The following PDE1C variants were observed in gnomAD, a reference collection of about 807,000 sequenced individuals.
The protein encoded by PDE1C is dual specificity calcium/calmodulin-dependent 3',5'-cyclic nucleotide phosphodiesterase 1C.
A neutral mutation model predicts 93.1 loss-of-function variants in PDE1C; 62 were observed. The observed-to-expected ratio is 0.67, with a 90% CI of 0.54 to 0.82. The LOEUF (loss-of-function observed/expected upper bound fraction) is 0.82, where lower values mean the gene tolerates loss of function less well. PDE1C is among the 40% of genes least tolerant of loss of function. The probability of loss-of-function intolerance (pLI) is 0.00; values close to 1 mark genes in which losing one functional copy is unlikely to be tolerated. For synonymous variants in PDE1C, 325 were observed against 310.1 expected, an observed-to-expected ratio of 1.05 and a Z score of -0.50; for missense variants, 742 against 884.6, an observed-to-expected ratio of 0.84 and a Z score of 2.04.
At chr7:32,325,101 G>T (rs576979829) in intron 1 of PDE1C, among the ~76,000 whole-genome samples, 2 of 152,174 alleles carry the variant, frequency 1.3e-5, no homozygotes, top group Non-Finnish European at 2.9e-5. Flanking sequence ...CAAATAATAC[G>T]TTCATCAAAG....
intron 15 of PDE1C, among the ~76,000 whole-genome samples, chr7:31,812,773 A>G (rs1787712297): frequency 6.6e-6 from 1 of 152,144 alleles, no homozygotes; most frequent in African/African-American, 2.4e-5. Context: ...GAATAAGTAT[A>G]TTGTAAGCCT....
intron 1 of PDE1C, among the ~76,000 whole-genome samples, chr7:32,363,640 A>C (rs1784179365): frequency 6.6e-6 from 1 of 152,248 alleles, no homozygotes; most frequent in Non-Finnish European, 1.5e-5. Flanking sequence ...ATGATGCATA[A>C]ATGGCATATC....
chr7:32,030,427 T>C (rs1311895536), intron 2 of PDE1C, among the ~76,000 whole-genome samples: 1 of 152,120 alleles, frequency 6.6e-6, no homozygotes, highest in Non-Finnish European at 1.5e-5. Flanking sequence ...CGTGGATATA[T>C]CCTTGAATAC....
chr7:31,634,477 A>G, the PDE1C span, among the ~76,000 whole-genome samples: 1 of 152,286 alleles, frequency 6.6e-6, no homozygotes, highest in East Asian at 1.9e-4. Flanking sequence ...TTTCCCTATG[A>G]GGGGACAGAC....
intron 2 of PDE1C, among the ~76,000 whole-genome samples, chr7:31,897,662 T>C (rs1799473882): frequency 6.6e-6 from 1 of 152,202 alleles, no homozygotes; most frequent in African/African-American, 2.4e-5. Flanking sequence ...CTGGACACTC[T>C]CTGAGGACCA....
chr7:32,370,648 G>A (rs1296521240), intron 1 of PDE1C, among the ~76,000 whole-genome samples: 11 of 149,678 alleles, frequency 7.3e-5, no homozygotes, highest in East Asian at 2.0e-4. Context: ...GGGGTGGGGG[G>A]AAGGGGGAGG....
chr7:31,666,611 T>C, the PDE1C span, among the ~76,000 whole-genome samples: 4 of 152,188 alleles, frequency 2.6e-5, no homozygotes, highest in African/African-American at 9.7e-5. Context: ...TAAAGTCAGG[T>C]TATTGAGGTA....
In PDE1C at chr7:31,881,491, T is replaced by C. The variant is rs959781649; in HGVS notation, c.129-631A>G. Among the ~76,000 whole-genome samples, 8 of 118,626 alleles carry C rather than the reference T, an allele frequency of 6.7e-5. No homozygotes were observed. The Admixed American group carries it at 7.2e-4, about 11-fold the overall frequency. 77.8% of individuals were successfully genotyped at this position (118,626 alleles called of 152,430 possible). On this transcript the variant is annotated intron_variant, in intron 2 of 17. Transcript: ENST00000396191. The stretch of plus-strand genomic sequence containing the variant: ...TATACAAGAGAAGCAATAAAACATG[T>C]TTTTTCTGTTATTTATATGAACATT...
intron 1 of PDE1C, among the ~76,000 whole-genome samples, chr7:32,319,105 C>A (rs866364682): frequency 6.6e-6 from 1 of 152,214 alleles, no homozygotes. Flanking sequence ...CGCCGTCACC[C>A]GGGAGCTGCA....
intron 2 of PDE1C, among the ~76,000 whole-genome samples, chr7:32,178,157 C>G (rs2128810188): frequency 6.6e-6 from 1 of 152,282 alleles, no homozygotes; most frequent in Middle Eastern, 3.4e-3. Flanking sequence ...AAGAGGTGCC[C>G]AGGATACAGG....
chr7:32,188,077 A>G (rs1803997667), intron 2 of PDE1C, among the ~76,000 whole-genome samples: 7 of 152,212 alleles, frequency 4.6e-5, no homozygotes. Flanking sequence ...TAAATTCAAC[A>G]TATTTCTCAG....
intron 3 of PDE1C, among the ~76,000 whole-genome samples, chr7:32,147,117 G>A (rs1800886366): frequency 6.6e-6 from 1 of 151,264 alleles, no homozygotes; most frequent in South Asian, 2.1e-4. Context: ...CTTTTAAAAG[G>A]ATGAAGTAAA....
In PDE1C at chr7:31,823,082, C is replaced by T; in HGVS notation, c.1573G>A (p.Val525Ile). The change falls in exon 14 of 18, where the codon GTA (valine) becomes ATA (isoleucine). Residue 525 changes from valine to isoleucine, a missense_variant. Around this residue, in one of 4 missense-constraint regions of PDE1C, gnomAD observed 454 missense variants for 459.4 expected, o/e 0.99. Transcript: ENST00000396191. ...GTCTGTGGCATGTTACCTTTGGGTACCTTGGCCCTCCATCTCTCCCGATTG... is the reference window on the plus strand; with the variant it reads ...GTCTGTGGCATGTTACCTTTGGGTATCTTGGCCCTCCATCTCTCCCGATTG... ...HINRERWRAKVPKEEKAKKEA... is the reference protein window; with the variant it reads ...HINRERWRAKIPKEEKAKKEA... 1.2e-6 allele frequency: 2 copies of T among 1,609,794 alleles called. No individual in the cohort carries two copies. The highest frequency in any genetic ancestry group is 1.7e-6 in the Non-Finnish European group (2 of 1,177,870).
chr7:32,307,984 G>C (rs1221416642), intron 1 of PDE1C, among the ~76,000 whole-genome samples: 1 of 152,210 alleles, frequency 6.6e-6, no homozygotes, highest in Non-Finnish European at 1.5e-5. Context: ...CCTAGTCAAA[G>C]AATGGGGTGA....
At chr7:32,364,560 C>T (rs548356188) in intron 1 of PDE1C, among the ~76,000 whole-genome samples, 6 of 152,352 alleles carry the variant, frequency 3.9e-5, no homozygotes, top group Non-Finnish European at 7.3e-5. Context: ...ACAGCCCTTA[C>T]TACCAGAGAA....
chr7:31,670,485 T>G, the PDE1C span, among the ~76,000 whole-genome samples: 1 of 152,190 alleles, frequency 6.6e-6, no homozygotes, highest in Non-Finnish European at 1.5e-5. Context: ...TTCATAATCC[T>G]TTGCATCTCC....
intron 1 of PDE1C, among the ~76,000 whole-genome samples, chr7:32,402,304 A>T (rs73307830): frequency 0.039 from 5,874 of 152,122 alleles, 275 homozygotes; most frequent in African/African-American, 0.12. Context: ...GACTGAGAAG[A>T]TCCATAAGCT....
chr7:31,691,797 T>TAAAAAAAAAAAAAAAAAAAAAAA, the PDE1C span, among the ~76,000 whole-genome samples: 2 of 86,558 alleles, frequency 2.3e-5, no homozygotes, highest in African/African-American at 8.9e-5. Context: ...ATGTAATGAT[T>TAAAAAAAAAAAAAAAAAAAAAAA]AAAAAAAAAA....
chr7:31,925,618 C>T (rs139609347), intron 2 of PDE1C, among the ~76,000 whole-genome samples: 1 of 152,224 alleles, frequency 6.6e-6, no homozygotes, highest in East Asian at 1.9e-4. Flanking sequence ...ACTCTGAAGA[C>T]TAGGGTGTCT....
Sources: gnomAD v4.1 joint callset for allele counts (sites outside exome capture counted in the v4.1 genomes callset) on GRCh38, gnomAD v4.1.1 for gene constraint, gnomAD v4.1.1 regional missense constraint, MANE v1.5 for transcripts, NCBI Gene and HGNC (gene_info 2026-07-23, HGNC 2026-07-21) for gene names.